The following C4orf54 variants were observed in gnomAD, a reference collection of about 807,000 sequenced individuals.
C4orf54 encodes the protein uncharacterized protein C4orf54.
Under a neutral mutation model 80.1 loss-of-function variants are expected in C4orf54, and 67 were observed. That is an observed-to-expected ratio of 0.84 (90% CI 0.69 to 1.03). The LOEUF is 1.03. Among genes scored for constraint, C4orf54 ranks in the 50% least tolerant of loss-of-function variants. The probability of loss-of-function intolerance (pLI) is 0.00; values close to 1 mark genes in which losing one functional copy is unlikely to be tolerated. For missense variants in C4orf54, 2,434 were observed against 2,253.5 expected (o/e 1.08, Z -1.62); for synonymous variants, 1,000 against 917.0 (o/e 1.09, Z -1.64).
chr4:99,656,264 GT>G (rs1015804410), intron 1 of C4orf54, among the ~76,000 whole-genome samples: 41 of 151,030 alleles, frequency 2.7e-4, no homozygotes, highest in African/African-American at 7.3e-4. Context: ...AGAGAGCCAT[GT>G]TTTTTTTTAT....
At position 99,651,946 on chromosome 4, in the gene C4orf54, A is replaced by C; in HGVS notation, c.2703T>G (p.Ser901Arg). The C allele has an allele frequency of 2.6e-6, 4 of 1,536,112 alleles. No homozygotes were observed. The highest frequency in any genetic ancestry group is 3.5e-6 in the Non-Finnish European group (4 of 1,146,894). The change falls in exon 2 of 3, where the codon AGT becomes AGG. Residue 901 changes from serine to arginine, a missense_variant. Ser to Arg is a moderately radical substitution (Grantham distance 110, BLOSUM62 -1). Transcript: ENST00000511828. ...AGSKSPVFKA[S>R]TPRERNAGPG... ...GGCCTGCGTTGCGCTCGCGAGGAGT[A>C]CTGGCTTTGAAGACTGGAGATTTGG...
Position 99,650,004 on chromosome 4 carries a change from GC to G in C4orf54, c.4644del (p.Pro1549HisfsTer68). The G allele has an allele frequency of 6.5e-7, 1 of 1,535,316 alleles. No individual in the cohort carries two copies. The highest frequency in any genetic ancestry group is 8.7e-7 in the Non-Finnish European group (1 of 1,146,432). Reference protein sequence around the residue: ...NPRETVAAPPGPQSPEHPPTT... With the variant: ...NPRETVAAPPXPQSPEHPPTT... ...GTGGGGGGATGCTCGGGGCTCTGTG[GC>G]CCTGGGGGGGCAGCTACTGTCTCCC... On this transcript the variant is annotated frameshift_variant, in exon 2 of 3. Transcript: ENST00000511828. LOFTEE classifies it low-confidence loss of function (END_TRUNC).
chr4:99,657,249 A>T (rs1726992176), intron 1 of C4orf54, among the ~76,000 whole-genome samples: 1 of 152,232 alleles, frequency 6.6e-6, no homozygotes, highest in African/African-American at 2.4e-5. Flanking sequence ...CTAAGGAGGA[A>T]TTTTCCAGCA....
chr4:99,649,078 C>T (rs1412477638), intron 2 of C4orf54, among the ~76,000 whole-genome samples, 153 bp downstream of exon 2: 1 of 152,190 alleles, frequency 6.6e-6, no homozygotes, highest in Non-Finnish European at 1.5e-5. Context: ...AAAATTATCC[C>T]CTTTGTAAAT....
rs994799501 is a variant in C4orf54 at position 99,640,289 on chromosome 4, A to T, written c.*944T>A. ...GATAGCGAGGCTAGGGCTGGAGTGA[A>T]TCAGAGCCACTGAATTAGTGCCATA... On this transcript the variant is annotated 3_prime_UTR_variant, in exon 3 of 3. Coordinates refer to ENST00000511828, the MANE Select transcript of C4orf54 (RefSeq NM_001354435.2). 1.3e-5 allele frequency: 2 copies of T among 152,174 alleles called. No homozygotes were observed. Among genetic ancestry groups the T allele is most frequent in the Non-Finnish European group, 2.9e-5 (2 of 68,004 alleles). 9.4% of individuals were successfully genotyped at this position (152,174 alleles called of 1,614,324 possible). A position where few individuals can be genotyped will look rare whatever the true frequency, so the allele number is the denominator to read the frequency against.
In C4orf54 at chr4:99,640,805, A is replaced by G. The variant is rs892032206; in HGVS notation, c.*428T>C. 6.6e-6 allele frequency: 1 copy of G among 152,186 alleles called. No homozygotes were observed. The highest frequency in any genetic ancestry group is 2.4e-5 in the African/African-American group (1 of 41,464). The allele number at this position is 152,186 out of a possible 1,614,324, so 9.4% of individuals were successfully genotyped here. ...GAAACTATAAGGAGATTCGTGATCC[A>G]AATTACTCATTTACTAGCTTGGTTT... On this transcript the variant is annotated 3_prime_UTR_variant, in exon 3 of 3. Coordinates refer to ENST00000511828, the MANE Select transcript of C4orf54 (RefSeq NM_001354435.2).
At position 99,652,428 on chromosome 4, in the gene C4orf54, C is replaced by T; in HGVS notation, c.2221G>A (p.Val741Ile). 6.5e-7 allele frequency: 1 copy of T among 1,536,068 alleles called. No individual in the cohort carries two copies. The highest frequency in any genetic ancestry group is 8.7e-7 in the Non-Finnish European group (1 of 1,146,892). Residue 741 changes from valine to isoleucine, a missense_variant, in exon 2 of 3, where the codon GTC (valine) becomes ATC (isoleucine). Transcript: ENST00000511828. ...VETPLCFQKQ[V>I]QTGSRVVTLL... Reference sequence around the variant, plus strand: ...GTGACGACGCGGGAGCCCGTCTGGACCTGCTTCTGGAAACACAGGGGCGTC... The same window carrying T: ...GTGACGACGCGGGAGCCCGTCTGGATCTGCTTCTGGAAACACAGGGGCGTC...
rs1304230150 is a variant in C4orf54, at chr4:99,643,679, G to T, written c.*37-2483C>A. Reference sequence around the variant, plus strand: ...AGAGTTTTAGTATATGCTTAACACTGACAGATTCAGGGTCAGTTTCTTACC... The same window carrying T: ...AGAGTTTTAGTATATGCTTAACACTTACAGATTCAGGGTCAGTTTCTTACC... On this transcript the variant is annotated intron_variant, in intron 2 of 2. Coordinates refer to ENST00000511828, the MANE Select transcript of C4orf54 (RefSeq NM_001354435.2). 3.4e-5 allele frequency among the ~76,000 whole-genome samples: 5 copies of T among 148,758 alleles called. No homozygotes were observed. The East Asian group carries it at 9.8e-4, about 29-fold the overall frequency.
Position 99,653,285 on chromosome 4 carries a change from G to T in C4orf54, c.1364C>A (p.Pro455His). Residue 455 changes from proline to histidine, a missense_variant, in exon 2 of 3, where the codon CCC (proline) becomes CAC (histidine). By Grantham distance (77) the Pro-to-His change is moderately conservative (BLOSUM62 -2). Coordinates refer to ENST00000511828, the MANE Select transcript of C4orf54 (RefSeq NM_001354435.2). ...GTCGCGGCCACTGCGGCCTGCATTG[G>T]GGCGGGCCAGGTCGCTGCTTGTAGG... Reference protein sequence around the residue: ...PSPTSSDLARPNAGRSGRDTS... With the variant: ...PSPTSSDLARHNAGRSGRDTS... The T allele has an allele frequency of 1.3e-6, 2 of 1,530,874 alleles. No homozygotes were observed. Among genetic ancestry groups the T allele is most frequent in the South Asian group, 2.4e-5 (2 of 83,302 alleles). The allele number at this position is 1,530,874 out of a possible 1,614,324, so 94.8% of individuals were successfully genotyped here.
Position 99,653,423 on chromosome 4 carries a change from A to G in C4orf54, c.1226T>C (p.Phe409Ser). The G allele has an allele frequency of 6.5e-7, 1 of 1,536,140 alleles. No individual in the cohort carries two copies. Among genetic ancestry groups the G allele is most frequent in the Non-Finnish European group, 8.7e-7 (1 of 1,146,880 alleles). ...CCCTGGGGTCTCGTCGCTGCCACCA[A>G]AGGAAGCATAATCCACGAACGAGTA... The part of the protein sequence containing the change: ...VIYSFVDYAS[F>S]GGSDETPGDI... The change falls in exon 2 of 3, where the codon TTT (phenylalanine) becomes TCT (serine). Residue 409 changes from phenylalanine (F) to serine (S), a missense_variant. By Grantham distance (155) the Phe-to-Ser change is radical (BLOSUM62 -2). Transcript: ENST00000511828.
In C4orf54 at chr4:99,654,436, G is replaced by A; in HGVS notation, c.213C>T (p.Pro71=). ...TTSTASSRSL[P]TSLRLAAAPP... ...GGGCCGCAGCAAGCCTGAGGGAGGT[G>A]GGAAGGCTCCTGGATGAGGCGGTGG... Residue 71 remains proline (P), a synonymous_variant, in exon 2 of 3, where the codon CCC becomes CCT. Transcript: ENST00000511828. The A allele has an allele frequency of 1.3e-6, 1 of 743,720 alleles. No individual in the cohort carries two copies. The highest frequency in any genetic ancestry group is 2.4e-6 in the Non-Finnish European group (1 of 422,450). 46.1% of individuals were successfully genotyped at this position (743,720 alleles called of 1,614,324 possible).
rs772416889 is a variant in C4orf54, at chr4:99,650,842, G to A, written c.3807C>T (p.Ser1269=). ...AAVRSMEELY[S]FNRNEWKRKS... ...TGCGCTTCCACTCGTTCCTGTTGAA[G>A]CTGTACAGCTCTTCCATGGACCTCA... The change falls in exon 2 of 3, where the codon AGC becomes AGT. Residue 1269 remains serine (S), a synonymous_variant. Coordinates refer to ENST00000511828, the MANE Select transcript of C4orf54 (RefSeq NM_001354435.2). 3.6e-5 allele frequency: 56 copies of A among 1,536,080 alleles called. No homozygotes were observed. The highest frequency in any genetic ancestry group is 7.8e-5 in the Admixed American group (4 of 50,988).
chr4:99,652,000 G>A lies in C4orf54; in HGVS notation c.2649C>T (p.Asp883=), dbSNP rs1448271611. The A allele has an allele frequency of 1.3e-6, 2 of 1,535,984 alleles. No individual in the cohort carries two copies. The highest frequency in any genetic ancestry group is 1.4e-5 in the African/African-American group (1 of 73,054). The change falls in exon 2 of 3, where the codon GAC becomes GAT. Residue 883 remains aspartate (D), a synonymous_variant. Transcript: ENST00000511828. ...CCGCCACGGACCCCTCCCCGCCCGC[G>A]TCGGACATGCTGACCACTGTGTACT... is the stretch of plus-strand genomic sequence containing the variant. ...GSEYTVVSMS[D]AGGEGSVAGS...
Position 99,649,213 on chromosome 4 carries a change from A to G in C4orf54, c.*36+18T>C. 1.4e-6 allele frequency: 2 copies of G among 1,450,468 alleles called. No individual in the cohort carries two copies. Among genetic ancestry groups the G allele is most frequent in the Non-Finnish European group, 1.8e-6 (2 of 1,105,514 alleles). The allele number at this position is 1,450,468 out of a possible 1,614,324, so 89.8% of individuals were successfully genotyped here. On this transcript the variant is annotated intron_variant, in intron 2 of 2. Coordinates refer to ENST00000511828, the MANE Select transcript of C4orf54 (RefSeq NM_001354435.2). ...TCTTACTCTCTTAAACCTGATTATC[A>G]AAGTGAAATTCACTTACCAGCAGTT... is the stretch of plus-strand genomic sequence containing the variant.
At chr4:99,645,852 G>A (rs897856787) in intron 2 of C4orf54, among the ~76,000 whole-genome samples, 3 of 152,212 alleles carry the variant, frequency 2.0e-5, no homozygotes, top group Non-Finnish European at 2.9e-5. Flanking sequence ...CATCTGGGCA[G>A]TTGGGTCCCA....
chr4:99,645,305 A>G (rs1726682019), intron 2 of C4orf54, among the ~76,000 whole-genome samples: 1 of 151,286 alleles, frequency 6.6e-6, no homozygotes, highest in Admixed American at 6.6e-5. Flanking sequence ...ATGGGGCCCT[A>G]TACAGGGGGT....
chr4:99,636,957 T>C lies in C4orf54; in HGVS notation c.*4276A>G, dbSNP rs1414481679. On this transcript the variant is annotated 3_prime_UTR_variant, in exon 3 of 3. Coordinates refer to ENST00000511828, the MANE Select transcript of C4orf54 (RefSeq NM_001354435.2). ...TCCCCATTAATCACACAATTTACTC[T>C]CCTTTTTTCCAACATAACTTCTACA... 1.3e-5 allele frequency: 2 copies of C among 152,206 alleles called. No homozygotes were observed. The allele number at this position is 152,206 out of a possible 1,614,324, so 9.4% of individuals were successfully genotyped here.
Position 99,650,652 on chromosome 4 carries a change from G to C in C4orf54, c.3997C>G (p.Arg1333Gly), listed in dbSNP as rs889931657. Residue 1333 changes from arginine to glycine, a missense_variant, in exon 2 of 3, where the codon CGA becomes GGA. Physicochemically the swap from Arg to Gly is moderately radical, Grantham distance 125. Transcript: ENST00000511828. ...TGCAGACGTTCTATGGGGGCCCCTC[G>C]CAGGACCACACCAGCTTTGTTTCCT... ...GTGNKAGVVL[R>G]GAPIERLQRR... 1 of 1,536,008 alleles carries C rather than the reference G, an allele frequency of 6.5e-7. No homozygotes were observed. The highest frequency in any genetic ancestry group is 1.2e-5 in the South Asian group (1 of 84,046).
At position 99,638,231 on chromosome 4, in the gene C4orf54, C is replaced by A. The variant is rs1052000699; in HGVS notation, c.*3002G>T. On this transcript the variant is annotated 3_prime_UTR_variant, in exon 3 of 3. Transcript: ENST00000511828. ...CCCTGATAAATGGACATATAGAGAG[C>A]CTCTCTGCTATGTCATTACCTACAT... 2 of 152,032 alleles carry A rather than the reference C, an allele frequency of 1.3e-5. No homozygotes were observed. The highest frequency in any genetic ancestry group is 4.8e-5 in the African/African-American group (2 of 41,408). 9.4% of individuals were successfully genotyped at this position (152,032 alleles called of 1,614,324 possible).
Sources: gnomAD v4.1 joint callset for allele counts (sites outside exome capture counted in the v4.1 genomes callset) on GRCh38, gnomAD v4.1.1 for gene constraint, MANE v1.5 for transcripts, NCBI Gene and HGNC (gene_info 2026-07-23, HGNC 2026-07-21) for gene names.